FLYWCH1: variants seen among roughly 807,000 people sequenced by gnomAD.
FLYWCH1 encodes the protein FLYWCH-type zinc finger 1.
FLYWCH1 carries 75 observed loss-of-function variants against 66.4 expected under a neutral mutation model. That is an observed-to-expected ratio of 1.13 (90% CI 0.94 to 1.37). The LOEUF (loss-of-function observed/expected upper bound fraction) is 1.37, where lower values mean the gene tolerates loss of function less well. Ranked by LOEUF, FLYWCH1 falls within the 40% of genes most tolerant of loss-of-function variation. The pLI, the probability that FLYWCH1 is intolerant of heterozygous loss-of-function variation, is 0.00. For missense variants in FLYWCH1, 1,334 were observed against 1,001.8 expected, an observed-to-expected ratio of 1.33 and a Z score of -4.48; for synonymous variants, 595 against 429.9, an observed-to-expected ratio of 1.38 and a Z score of -4.75.
At chr16:2,945,733 C>T (rs926892759) in intron 9 of FLYWCH1, among the ~76,000 whole-genome samples, 1 of 151,814 alleles carries the variant, frequency 6.6e-6, no homozygotes, top group Non-Finnish European at 1.5e-5. Flanking sequence ...TGCGGTGGCT[C>T]ATGCCTGTAA....
intron 9 of FLYWCH1, among the ~76,000 whole-genome samples, chr16:2,940,391 G>A (rs1395811396): frequency 6.6e-6 from 1 of 152,230 alleles, no homozygotes; most frequent in East Asian, 1.9e-4. Context: ...GCTGCCAGCA[G>A]CAGAATTCAG....
At position 2,948,830 on chromosome 16, in the gene FLYWCH1, T is replaced by A. The variant is rs1301963829; in HGVS notation, c.*103T>A. The A allele has an allele frequency of 1.9e-6, 2 of 1,040,078 alleles. No homozygotes were observed. The highest frequency in any genetic ancestry group is 3.0e-6 in the Non-Finnish European group (2 of 671,106). The allele number at this position is 1,040,078 out of a possible 1,614,324, so 64.4% of individuals were successfully genotyped here. On this transcript the variant is annotated 3_prime_UTR_variant, in exon 10 of 10. Transcript: ENST00000253928. ...GGTTTGGCTTAGCAGAAACTTCTTTTCATTCTTCCAAAGCATCGATGGTCT... is the reference window on the plus strand; with the variant it reads ...GGTTTGGCTTAGCAGAAACTTCTTTACATTCTTCCAAAGCATCGATGGTCT...
chr16:2,932,997 TG>T, intron 4 of FLYWCH1, 132 bp from the exon 5 acceptor site: 1 of 770,800 alleles, frequency 1.3e-6, no homozygotes, highest in Non-Finnish European at 2.0e-6. Context: ...CTGACATATC[TG>T]GCTCAGGAAG....
intron 2 of FLYWCH1, among the ~76,000 whole-genome samples, chr16:2,920,932 C>T (rs768475405): frequency 2.0e-4 from 30 of 150,580 alleles, no homozygotes; most frequent in Non-Finnish European, 3.4e-4. Flanking sequence ...ACCTCTGCCT[C>T]CCGGGTTCAA....
intron 3 of FLYWCH1, 112 bp downstream of exon 3, chr16:2,930,122 C>T: frequency 1.0e-6 from 1 of 987,732 alleles, no homozygotes; most frequent in Admixed American, 2.6e-5. Context: ...CCAAGCTCAG[C>T]CTCTTGGTCT....
chr16:2,932,188 G>A (rs1186760344), intron 4 of FLYWCH1, among the ~76,000 whole-genome samples: 1 of 147,028 alleles, frequency 6.8e-6, no homozygotes, highest in Non-Finnish European at 1.5e-5. Flanking sequence ...GGCTAAGGCA[G>A]AATTGCTTGG....
chr16:2,938,303 G>C lies in FLYWCH1; in HGVS notation c.1897G>C (p.Asp633His). The C allele has an allele frequency of 6.2e-7, 1 of 1,611,006 alleles. No individual in the cohort carries two copies. The highest frequency in any genetic ancestry group is 1.1e-5 in the South Asian group (1 of 90,936). Residue 633 changes from aspartate (D) to histidine (H), a missense_variant, in exon 8 of 10, where the codon GAC becomes CAC. By Grantham distance (81) the Asp-to-His change is moderately conservative. Coordinates refer to ENST00000253928, the MANE Select transcript of FLYWCH1 (RefSeq NM_001308068.2). ...GGAGAAGGTGTACTGGATGTGCCGGGACCAGGCTCGGCTGGGCTGCCGCAG... is the reference window on the plus strand; with the variant it reads ...GGAGAAGGTGTACTGGATGTGCCGGCACCAGGCTCGGCTGGGCTGCCGCAG... The part of the protein sequence containing the change: ...AGEKVYWMCR[D>H]QARLGCRSRA...
rs531280776 is a variant in FLYWCH1, at chr16:2,936,242, G to A, written c.1514-879G>A. The A allele has an allele frequency of 2.7e-4, 100 of 372,046 alleles. 2 individuals carry two copies. Among genetic ancestry groups the A allele is most frequent in the South Asian group, 1.9e-3 (96 of 51,410 alleles). The allele number at this position is 372,046 out of a possible 1,614,324, so 23.0% of individuals were successfully genotyped here. On this transcript the variant is annotated intron_variant, in intron 6 of 9. Coordinates refer to ENST00000253928, the MANE Select transcript of FLYWCH1 (RefSeq NM_001308068.2). ...TGGATATTTTCATCCGTGTGGAAGGGGATAAAGCGTGCCCCATGGTCACAC... is the reference window on the plus strand; with the variant it reads ...TGGATATTTTCATCCGTGTGGAAGGAGATAAAGCGTGCCCCATGGTCACAC...
chr16:2,918,824 G>A (rs190279199), intron 2 of FLYWCH1, among the ~76,000 whole-genome samples: 2 of 152,334 alleles, frequency 1.3e-5, no homozygotes, highest in East Asian at 3.9e-4. Flanking sequence ...GAAATAGTAG[G>A]AAAGACCAGT....
Position 2,930,008 on chromosome 16 carries a change from C to T in FLYWCH1, c.323C>T (p.Ala108Val), listed in dbSNP as rs759854034. Residue 108 changes from alanine to valine, a missense_variant and splice_region_variant, in exon 3 of 10, where the codon GCA becomes GTA. Transcript: ENST00000253928. ...GAACAGAAGTGCAGCAAGCTGGATG[C>T]AGGTGAGGTGTGGCTTCCCGCCCCT... is the stretch of plus-strand genomic sequence containing the variant. ...MPEQKCSKLD[A>V]AAPQSLEFLR... 8 of 1,601,758 alleles carry T rather than the reference C, an allele frequency of 5.0e-6. No homozygotes were observed. Among genetic ancestry groups the T allele is most frequent in the African/African-American group, 1.3e-5 (1 of 74,708 alleles).
intron 2 of FLYWCH1, among the ~76,000 whole-genome samples, chr16:2,924,892 T>G (rs1270647623): frequency 6.6e-6 from 1 of 152,224 alleles, no homozygotes; most frequent in Non-Finnish European, 1.5e-5. Flanking sequence ...GGAAGCCCTT[T>G]AAACAGAAGT....
intron 9 of FLYWCH1, among the ~76,000 whole-genome samples, chr16:2,942,077 A>G (rs932870570): frequency 1.3e-5 from 2 of 151,848 alleles, no homozygotes; most frequent in Non-Finnish European, 2.9e-5. Flanking sequence ...TTGGTTCTGT[A>G]TAAGGATCAA....
intron 1 of FLYWCH1, among the ~76,000 whole-genome samples, chr16:2,913,883 T>C (rs944635020): frequency 6.6e-6 from 1 of 151,732 alleles, no homozygotes; most frequent in African/African-American, 2.4e-5. Context: ...TTAGTAGAAA[T>C]GGTGGGGGCG....
intron 4 of FLYWCH1, among the ~76,000 whole-genome samples, chr16:2,931,810 A>T (rs1342675546): frequency 6.6e-6 from 1 of 151,850 alleles, no homozygotes; most frequent in African/African-American, 2.4e-5. Flanking sequence ...TCTACTAAAG[A>T]TACAAAAAAC....
chr16:2,930,027 C>A lies in FLYWCH1; in HGVS notation c.325+17C>A. 1 of 1,588,958 alleles carries A rather than the reference C, an allele frequency of 6.3e-7. No individual in the cohort carries two copies. The highest frequency in any genetic ancestry group is 1.1e-5 in the South Asian group (1 of 88,940). Reference sequence around the variant, plus strand: ...TGGATGCAGGTGAGGTGTGGCTTCCCGCCCCTGCCCAGCCACCCCGTGGGT... The same window carrying A: ...TGGATGCAGGTGAGGTGTGGCTTCCAGCCCCTGCCCAGCCACCCCGTGGGT... On this transcript the variant is annotated intron_variant, in intron 3 of 9. Transcript: ENST00000253928.
chr16:2,921,053 G>T (rs547086067), intron 2 of FLYWCH1, among the ~76,000 whole-genome samples: 2 of 150,954 alleles, frequency 1.3e-5, no homozygotes, highest in Non-Finnish European at 2.9e-5. Context: ...GTGTTAGCCC[G>T]GATGGTCTCG....
Position 2,940,016 on chromosome 16 carries a change from AATT to A in FLYWCH1, c.2051-12_2051-10del. 1 of 1,595,722 alleles carries A rather than the reference AATT, an allele frequency of 6.3e-7. No individual in the cohort carries two copies. Among genetic ancestry groups the A allele is most frequent in the Non-Finnish European group, 8.6e-7 (1 of 1,169,496 alleles). ...AGAAGAATTATTAATTCATATTTTC[AATT>A]ATTTTTCCACAGAAAAGATTCAAGT... On this transcript the variant is annotated splice_polypyrimidine_tract_variant and intron_variant, in intron 8 of 9. Transcript: ENST00000253928.
intron 8 of FLYWCH1, 190 bp from the exon 9 acceptor site, chr16:2,939,842 C>G (rs951351817): frequency 2.1e-5 from 12 of 558,600 alleles, no homozygotes; most frequent in African/African-American, 1.9e-4. Flanking sequence ...TGAAGGTCAA[C>G]TCTTAGGAGC....
chr16:2,920,934 C>T (rs923675143), intron 2 of FLYWCH1, among the ~76,000 whole-genome samples: 6 of 150,170 alleles, frequency 4.0e-5, no homozygotes, highest in African/African-American at 7.4e-5. Context: ...CTCTGCCTCC[C>T]GGGTTCAAGC....
Sources: allele counts gnomAD v4.1 joint callset (sites outside exome capture counted in the v4.1 genomes callset), GRCh38; gene constraint gnomAD v4.1.1; transcripts MANE v1.5; gene names NCBI Gene and HGNC (gene_info 2026-07-23, HGNC 2026-07-21).